PMS1: variants seen among roughly 807,000 people sequenced by gnomAD.
PMS1 encodes PMS1 protein homolog 1.
In PMS1, 79 loss-of-function variants were observed where a neutral mutation model predicts 93.1. The ratio of observed to expected loss-of-function variants is 0.85; its 90% CI spans 0.71 to 1.02. The LOEUF (loss-of-function observed/expected upper bound fraction) is 1.02, where lower values mean the gene tolerates loss of function less well. Among genes scored for constraint, PMS1 ranks in the 50% least tolerant of loss-of-function variants. The pLI is 0.00. For synonymous variants in PMS1, 335 were observed against 363.4 expected (o/e 0.92, Z 0.89); for missense variants, 1,064 against 1,085.3 (o/e 0.98, Z 0.28).
intron 5 of PMS1, among the ~76,000 whole-genome samples, chr2:189,821,834 G>T (rs2051921607): frequency 1.3e-5 from 2 of 151,920 alleles, no homozygotes; most frequent in Non-Finnish European, 2.9e-5. Flanking sequence ...TAAATAATAG[G>T]TAAAAACAAG....
intron 12 of PMS1, 107 bp from the exon 13 acceptor site, chr2:189,877,165 T>C (rs566806805): frequency 5.4e-6 from 5 of 926,760 alleles, no homozygotes; most frequent in African/African-American, 3.3e-5. Context: ...GTTGAGTGAA[T>C]TCATAAAATG....
At position 189,864,358 on chromosome 2, in the gene PMS1, T is replaced by C. The variant is rs188493224; in HGVS notation, c.2342+130T>C. Reference sequence around the variant, plus strand: ...AGTGGTATTTATTTATTTTAATCTTTTAAACATTTGATTTCTAGGCCGGGC... The same window carrying C: ...AGTGGTATTTATTTATTTTAATCTTCTAAACATTTGATTTCTAGGCCGGGC... On this transcript the variant is annotated intron_variant, in intron 10 of 12. Transcript: ENST00000441310. 4.4e-4 allele frequency: 352 copies of C among 794,798 alleles called. No homozygotes were observed. The African/African-American group carries it at 5.4e-3, about 12-fold the overall frequency. 49.2% of individuals were successfully genotyped at this position (794,798 alleles called of 1,614,324 possible). A position where few individuals can be genotyped will look rare whatever the true frequency, so the allele number is the denominator to read the frequency against.
chr2:189,851,383 G>A (rs2054706265), intron 6 of PMS1, among the ~76,000 whole-genome samples: 1 of 152,094 alleles, frequency 6.6e-6, no homozygotes, highest in Non-Finnish European at 1.5e-5. Flanking sequence ...ATGCCCAGCA[G>A]GTGCTTTAAG....
At chr2:189,873,774 C>G in intron 12 of PMS1, 118 bp downstream of exon 12, 3 of 679,806 alleles carry the variant, frequency 4.4e-6, no homozygotes, top group Non-Finnish European at 8.0e-6. Flanking sequence ...GCATCACCAC[C>G]TGAGCTCTGC....
At chr2:189,786,662 A>T (rs1294907242) in intron 1 of PMS1, among the ~76,000 whole-genome samples, 1 of 152,204 alleles carries the variant, frequency 6.6e-6, no homozygotes, top group Non-Finnish European at 1.5e-5. Context: ...AGGATGATAG[A>T]ATACGTAGAG....
At chr2:189,837,441 G>A (rs974292408) in intron 5 of PMS1, among the ~76,000 whole-genome samples, 1 of 152,150 alleles carries the variant, frequency 6.6e-6, no homozygotes, top group Non-Finnish European at 1.5e-5. Flanking sequence ...TTCTGATGTG[G>A]AAAGTATGAA....
chr2:189,823,662 G>T (rs1403259049), intron 5 of PMS1, among the ~76,000 whole-genome samples: 6 of 152,042 alleles, frequency 3.9e-5, no homozygotes, highest in Middle Eastern at 3.2e-3. Context: ...ATTGAATAAG[G>T]CTGTTTTTTA....
At chr2:189,817,107 G>T (rs2051378462) in intron 4 of PMS1, among the ~76,000 whole-genome samples, 1 of 152,192 alleles carries the variant, frequency 6.6e-6, no homozygotes, top group Non-Finnish European at 1.5e-5. Flanking sequence ...CTGGCATCTA[G>T]TGGGTAAGAG....
At position 189,871,217 on chromosome 2, in the gene PMS1, A is replaced by G. The variant is rs374342426; in HGVS notation, c.2474-2279A>G. ...TCAAACTTCTACCGATCCTAAGGGC[A>G]GAGGTGTCCAATCTTTTGGCTTCCC... On this transcript the variant is annotated intron_variant, in intron 11 of 12. Transcript: ENST00000441310. 1.5e-4 allele frequency among the ~76,000 whole-genome samples: 23 copies of G among 152,348 alleles called. 1 individual carries two copies. The highest frequency in any genetic ancestry group is 1.4e-3 in the Admixed American group (21 of 15,312).
At chr2:189,802,470 A>T (rs1178415573) in intron 3 of PMS1, among the ~76,000 whole-genome samples, 1 of 152,162 alleles carries the variant, frequency 6.6e-6, no homozygotes, top group African/African-American at 2.4e-5. Context: ...AAGAGAAGAG[A>T]TTGGTCTTGC....
intron 5 of PMS1, among the ~76,000 whole-genome samples, chr2:189,829,807 A>G (rs2052761201): frequency 6.6e-6 from 1 of 152,194 alleles, no homozygotes; most frequent in South Asian, 2.1e-4. Flanking sequence ...CCGTAGGTCT[A>G]TCTTTAAAAT....
At chr2:189,871,480 A>C (rs561457920) in intron 11 of PMS1, among the ~76,000 whole-genome samples, 1 of 152,246 alleles carries the variant, frequency 6.6e-6, no homozygotes, top group Non-Finnish European at 1.5e-5. Flanking sequence ...TTGCGGGGAC[A>C]TAAAAAGGAT....
At chr2:189,862,805 C>T (rs256567) in intron 9 of PMS1, among the ~76,000 whole-genome samples, 43,931 of 152,110 alleles carry the variant, frequency 0.29, 10,793 homozygotes, top group African/African-American at 0.67. Flanking sequence ...CCAAAGTGTT[C>T]ACCCGGCCAT....
chr2:189,836,152 C>G (rs375660366), intron 5 of PMS1, among the ~76,000 whole-genome samples: 5 of 152,180 alleles, frequency 3.3e-5, no homozygotes, highest in African/African-American at 9.7e-5. Flanking sequence ...CACAAATTGC[C>G]TTTACAAACA....
chr2:189,855,543 C>A (rs1273459108), intron 9 of PMS1, among the ~76,000 whole-genome samples: 1 of 151,284 alleles, frequency 6.6e-6, no homozygotes, highest in Non-Finnish European at 1.5e-5. Flanking sequence ...CTTAACTATT[C>A]CCTTTCTTAA....
intron 6 of PMS1, among the ~76,000 whole-genome samples, chr2:189,847,709 G>A (rs751806428): frequency 1.3e-5 from 2 of 152,114 alleles, no homozygotes; most frequent in Non-Finnish European, 2.9e-5. Flanking sequence ...GGAACAGGGT[G>A]TTTGTGGCTG....
intron 9 of PMS1, among the ~76,000 whole-genome samples, chr2:189,859,714 T>G (rs1368096928): frequency 2.0e-5 from 3 of 152,156 alleles, no homozygotes; most frequent in African/African-American, 7.2e-5. Flanking sequence ...TCCAGTATAA[T>G]TTTTCGAACA....
In PMS1 at chr2:189,843,099, C is replaced by T. The variant is rs1051937762; in HGVS notation, c.583-865C>T. The stretch of plus-strand genomic sequence containing the variant: ...GTGGCGTGTTCTCGCCTCACTGCAA[C>T]CTCCGCCTCCCCAGTTCAAATGATT... On this transcript the variant is annotated intron_variant, in intron 5 of 12. Transcript: ENST00000441310. Among the ~76,000 whole-genome samples the T allele has an allele frequency of 3.9e-5, 6 of 152,098 alleles. No homozygotes were observed. The South Asian group carries it at 6.2e-4, about 16-fold the overall frequency.
At chr2:189,841,698 C>G (rs963094962) in intron 5 of PMS1, among the ~76,000 whole-genome samples, 2 of 151,792 alleles carry the variant, frequency 1.3e-5, no homozygotes, top group Non-Finnish European at 2.9e-5. Flanking sequence ...CTCTCTCTTT[C>G]TCTGTTATAG....
Sources: gnomAD v4.1 joint callset for allele counts (sites outside exome capture counted in the v4.1 genomes callset) on GRCh38, gnomAD v4.1.1 for gene constraint, MANE v1.5 for transcripts, NCBI Gene and HGNC (gene_info 2026-07-23, HGNC 2026-07-21) for gene names.